The following PIWIL3 variants were observed in gnomAD, a reference collection of about 807,000 sequenced individuals.
PIWIL3 encodes the protein piwi like RNA-mediated gene silencing 3.
A neutral mutation model predicts 109.7 loss-of-function variants in PIWIL3; 101 were observed. The ratio of observed to expected loss-of-function variants is 0.92; its 90% confidence interval spans 0.78 to 1.09. The LOEUF (loss-of-function observed/expected upper bound fraction) is 1.09. Ranked by LOEUF, PIWIL3 falls within the 50% of genes least tolerant of loss-of-function variation. The probability of loss-of-function intolerance (pLI) is 0.00; values close to 1 mark genes in which losing one functional copy is unlikely to be tolerated. For missense variants in PIWIL3, 1,031 were observed against 1,072.6 expected (o/e 0.96, Z 0.54); for synonymous variants, 373 against 376.4 (o/e 0.99, Z 0.10).
intron 12 of PIWIL3, among the ~76,000 whole-genome samples, chr22:24,743,137 C>G (rs2147680966): frequency 6.6e-6 from 1 of 151,838 alleles, no homozygotes; most frequent in East Asian, 1.9e-4. Context: ...TTCTAATGAC[C>G]AGGAAAATGC....
intron 1 of PIWIL3, among the ~76,000 whole-genome samples, chr22:24,770,863 A>T (rs1335975731): frequency 2.0e-5 from 3 of 151,512 alleles, no homozygotes; most frequent in Admixed American, 6.6e-5. Context: ...AATAAATAAA[A>T]AGAAAGAAAG....
At chr22:24,761,064 C>T (rs1016132770) in intron 2 of PIWIL3, among the ~76,000 whole-genome samples, 1 of 151,884 alleles carries the variant, frequency 6.6e-6, no homozygotes, top group Non-Finnish European at 1.5e-5. Context: ...AATGGAAGTC[C>T]TTCTGATGAG....
chr22:24,749,050 C>T (rs1924546869), intron 11 of PIWIL3, 29 bp from the exon 12 acceptor site: 3 of 1,535,116 alleles, frequency 2.0e-6, no homozygotes, highest in African/African-American at 2.7e-5. Context: ...CCAACATGAT[C>T]AAACCAAATA....
At chr22:24,758,125 G>C in intron 3 of PIWIL3, 86 bp from the exon 4 acceptor site, 1 of 1,445,178 alleles carries the variant, frequency 6.9e-7, no homozygotes, top group Middle Eastern at 1.8e-4. Context: ...AAGTTTGTTA[G>C]AGGTAGAAAA....
intron 16 of PIWIL3, among the ~76,000 whole-genome samples, chr22:24,726,653 A>G (rs1248530742): frequency 1.3e-5 from 2 of 152,206 alleles, no homozygotes; most frequent in African/African-American, 2.4e-5. Flanking sequence ...CACTATTAAA[A>G]TAAGTATTAC....
chr22:24,719,661 T>C lies in PIWIL3; in HGVS notation c.2506-73A>G, dbSNP rs554473932. 308 of 1,530,990 alleles carry C rather than the reference T, an allele frequency of 2.0e-4. 1 individual carries two copies. Among genetic ancestry groups the C allele is most frequent in the Middle Eastern group, 1.2e-3 (7 of 5,782 alleles). The allele number at this position is 1,530,990 out of a possible 1,614,324, so 94.8% of individuals were successfully genotyped here. On this transcript the variant is annotated intron_variant, in intron 20 of 20. Transcript: ENST00000616349. ...TCTACTTTCCCTAAATTTAAATTCA[T>C]AGAAGCCAGTTCAGAGGTCCAACAT...
At chr22:24,731,681 T>C (rs1310199134) in intron 14 of PIWIL3, among the ~76,000 whole-genome samples, 2 of 151,936 alleles carry the variant, frequency 1.3e-5, no homozygotes, top group African/African-American at 2.4e-5. Flanking sequence ...TAATCACTTA[T>C]GTCTTTAGAT....
At chr22:24,754,749 T>C (rs1277404593) in intron 7 of PIWIL3, 35 bp downstream of exon 7, 1 of 1,493,528 alleles carries the variant, frequency 6.7e-7, no homozygotes, top group Admixed American at 1.7e-5. Flanking sequence ...TACGTTTAAG[T>C]CTGCAGAGTG....
At chr22:24,723,423 G>A (rs1443794506) in intron 18 of PIWIL3, among the ~76,000 whole-genome samples, 168 bp from the exon 19 acceptor site, 1 of 152,168 alleles carries the variant, frequency 6.6e-6, no homozygotes, top group Non-Finnish European at 1.5e-5. Context: ...GGTTGAAGCA[G>A]TAAATGGGGA....
intron 7 of PIWIL3, 123 bp from the exon 8 acceptor site, chr22:24,754,340 CT>C (rs991413230): frequency 1.8e-5 from 13 of 720,952 alleles, no homozygotes; most frequent in African/African-American, 1.4e-4. Flanking sequence ...TATTCTTAGT[CT>C]TTTGAAGGAC....
chr22:24,724,928 C>T lies in PIWIL3; in HGVS notation c.2190G>A (p.Ala730=), dbSNP rs757195979. 2.0e-5 allele frequency: 33 copies of T among 1,613,974 alleles called. No homozygotes were observed. The East Asian group carries it at 2.7e-4, about 13-fold the overall frequency. ...GQLQALLDHE[A]KKMSTYLKTI... ...TTTTTAAGTAGGTCGACATCTTTTT[C>T]GCTTCATGGTCAAGCAATGCTTGAA... Residue 730 remains alanine (A), a synonymous_variant, in exon 18 of 21, where the codon GCG becomes GCA. Coordinates refer to ENST00000616349, the MANE Select transcript of PIWIL3 (RefSeq NM_001255975.1).
intron 16 of PIWIL3, among the ~76,000 whole-genome samples, chr22:24,726,186 A>G (rs1922982878): frequency 6.6e-6 from 1 of 152,142 alleles, no homozygotes; most frequent in Admixed American, 6.5e-5. Flanking sequence ...GATTTGGCTC[A>G]TGATGGTCTC....
chr22:24,756,449 AAGAG>A lies in PIWIL3; in HGVS notation c.570+38_570+41del, dbSNP rs551963773. The A allele has an allele frequency of 3.5e-4, 553 of 1,557,878 alleles. 3 individuals are homozygous for A. In the African/African-American group the frequency reaches 6.8e-3, roughly 19 times the overall value. ...TGTTTTATTATAATAAAGTGAAAAC[AAGAG>A]AAAGAACACAGGAAAATGTGAAACA... On this transcript the variant is annotated intron_variant, in intron 5 of 20. Transcript: ENST00000616349.
rs762323484 is a variant in PIWIL3, at chr22:24,751,471, A to T, written c.1005T>A (p.Asp335Glu). 40 of 1,612,312 alleles carry T rather than the reference A, an allele frequency of 2.5e-5. No individual in the cohort carries two copies. The highest frequency in any genetic ancestry group is 3.4e-5 in the Non-Finnish European group (40 of 1,179,668). The change falls in exon 9 of 21, where the codon GAT becomes GAA. Residue 335 changes from aspartate (D) to glutamate (E), a missense_variant. Physicochemically the swap from Asp to Glu is conservative, Grantham distance 45 (BLOSUM62 2). Transcript: ENST00000616349. ...CAGGATTCTGCTTCCAATCAATATCATCTACTCTGTAGGTTTTGTTGTTGT... is the reference window on the plus strand; with the variant it reads ...CAGGATTCTGCTTCCAATCAATATCTTCTACTCTGTAGGTTTTGTTGTTGT... ...TKYNNKTYRVDDIDWKQNPED... is the reference protein window; with the variant it reads ...TKYNNKTYRVEDIDWKQNPED...
chr22:24,725,313 C>A, intron 17 of PIWIL3, 132 bp downstream of exon 17: 1 of 1,111,460 alleles, frequency 9.0e-7, no homozygotes, highest in Admixed American at 2.2e-5. Flanking sequence ...ATGCCAGTAG[C>A]ACCTCCACCC....
chr22:24,734,637 G>T (rs1456504148), intron 13 of PIWIL3, among the ~76,000 whole-genome samples: 3 of 152,028 alleles, frequency 2.0e-5, no homozygotes, highest in Non-Finnish European at 4.4e-5. Flanking sequence ...TCACAGGAGG[G>T]TCCCCACAGT....
chr22:24,771,555 A>G (rs1033832457), intron 1 of PIWIL3, among the ~76,000 whole-genome samples: 1 of 152,058 alleles, frequency 6.6e-6, no homozygotes, highest in Non-Finnish European at 1.5e-5. Context: ...ACTGGTGAGC[A>G]GCCAGACTTG....
Position 24,757,875 on chromosome 22 carries a change from G to C in PIWIL3, c.355+33C>G, listed in dbSNP as rs1312142063. The C allele has an allele frequency of 5.1e-6, 8 of 1,556,276 alleles. No homozygotes were observed. In the African/African-American group the frequency reaches 1.1e-4, roughly 22 times the overall value. Reference sequence around the variant, plus strand: ...AAAAAAAAAAAGTTAAAAACGAACAGCTCCATAAACATTGAGTTCTAGACC... The same window carrying C: ...AAAAAAAAAAAGTTAAAAACGAACACCTCCATAAACATTGAGTTCTAGACC... On this transcript the variant is annotated intron_variant, in intron 4 of 20. Coordinates refer to ENST00000616349, the MANE Select transcript of PIWIL3 (RefSeq NM_001255975.1).
At chr22:24,755,568 G>A (rs1043196606) in intron 6 of PIWIL3, among the ~76,000 whole-genome samples, 3 of 152,164 alleles carry the variant, frequency 2.0e-5, no homozygotes, top group Non-Finnish European at 2.9e-5. Flanking sequence ...GACAAAGAAC[G>A]GGCATCGGCC....
Sources: gnomAD v4.1 joint callset for allele counts (sites outside exome capture counted in the v4.1 genomes callset) on GRCh38, gnomAD v4.1.1 for gene constraint, MANE v1.5 for transcripts, NCBI Gene and HGNC (gene_info 2026-07-23, HGNC 2026-07-21) for gene names.